RAX2: variants seen among roughly 807,000 people sequenced by gnomAD.
RAX2 encodes retina and anterior neural fold homeobox protein 2.
In RAX2, 4 loss-of-function variants were observed where a neutral mutation model predicts 5.8. That is an observed-to-expected ratio of 0.69 (90% CI 0.34 to 1.58). The LOEUF is 1.58. Ranked by LOEUF, RAX2 falls within the 40% of genes most tolerant of loss-of-function variation. RAX2 has a pLI of 0.05. For synonymous variants in RAX2, 133 were observed against 128.8 expected (o/e 1.03, Z -0.22); for missense variants, 275 against 271.4 (o/e 1.01, Z -0.09).
Position 3,771,584 on chromosome 19 carries a change from A to G in RAX2, c.159T>C (p.Asp53=). The G allele has an allele frequency of 6.2e-7, 1 of 1,611,574 alleles. No individual in the cohort carries two copies. Among genetic ancestry groups the G allele is most frequent in the Non-Finnish European group, 8.5e-7 (1 of 1,179,338 alleles). Residue 53 remains aspartate, a synonymous_variant, in exon 2 of 3, where the codon GAT becomes GAC. Transcript: ENST00000555633. This position sits in a 1 kb window ranked among gnomAD's most constrained non-coding sequence, Gnocchi z 4.2. ...ERAFEASHYP[D]VYSREELAAK... Reference sequence around the variant, plus strand: ...CTGCCAGCTCCTCACGGCTGTACACATCCGGGTAGTGAGAGGCCTCGAACG... The same window carrying G: ...CTGCCAGCTCCTCACGGCTGTACACGTCCGGGTAGTGAGAGGCCTCGAACG...
chr19:3,770,124 G>A lies in RAX2; in HGVS notation c.*497C>T, dbSNP rs2037236443. The A allele has an allele frequency of 1.9e-5, 3 of 160,674 alleles. No individual in the cohort carries two copies. Among genetic ancestry groups the A allele is most frequent in the Admixed American group, 1.9e-4 (3 of 16,204 alleles). 10.0% of individuals were successfully genotyped at this position (160,674 alleles called of 1,614,324 possible). On this transcript the variant is annotated 3_prime_UTR_variant, in exon 3 of 3. Transcript: ENST00000555633. ...CTCACATGGCGAGCACACGGTGAGA[G>A]GAGACCAGGCTCGCGGGAGCTGCTG...
chr19:3,771,464 A>G lies in RAX2; in HGVS notation c.216+63T>C. On this transcript the variant is annotated intron_variant, in intron 2 of 2. Transcript: ENST00000555633. The surrounding 1 kb of genome is among the most constrained non-coding windows in gnomAD (Gnocchi z 4.2). ...CTTCTGCTGTTGCTCCGGGAGGGTC[A>G]GGATCTTGCTTTGCCTCCCTCCCCA... 3 of 1,338,530 alleles carry G rather than the reference A, an allele frequency of 2.2e-6. No individual in the cohort carries two copies. The highest frequency in any genetic ancestry group is 3.1e-6 in the Non-Finnish European group (3 of 956,038). The allele number at this position is 1,338,530 out of a possible 1,614,324, so 82.9% of individuals were successfully genotyped here.
At position 3,772,011 on chromosome 19, in the gene RAX2, CT is replaced by C; in HGVS notation, c.-268-2del. Reference sequence around the variant, plus strand: ...TTCCCCTCTCTGTGACTGTCACGGCCTGTGTGTGTGTGTGTCGGCGGGGGGG... The same window carrying C: ...TTCCCCTCTCTGTGACTGTCACGGCCGTGTGTGTGTGTGTCGGCGGGGGGG... On this transcript the variant is annotated splice_acceptor_variant, in intron 1 of 2. Coordinates refer to ENST00000555633, the MANE Select transcript of RAX2 (RefSeq NM_001319074.4). LOFTEE classifies it low-confidence loss of function (5UTR_SPLICE). The C allele has an allele frequency of 3.8e-6, 2 of 524,236 alleles. No individual in the cohort carries two copies. Among genetic ancestry groups the C allele is most frequent in the Non-Finnish European group, 6.8e-6 (2 of 293,688 alleles). The allele number at this position is 524,236 out of a possible 1,614,324, so 32.5% of individuals were successfully genotyped here.
rs1034522582 is a variant in RAX2, at chr19:3,771,511, TG to T, written c.216+15del. 9.6e-6 allele frequency: 15 copies of T among 1,570,634 alleles called. No homozygotes were observed. The highest frequency in any genetic ancestry group is 2.7e-5 in the African/African-American group (2 of 74,276). ...CCCAGGTTGCAAAAGATGTGTGTGT[TG>T]GGGGGTGCCCTCACCTGCACGCGCA... On this transcript the variant is annotated intron_variant, in intron 2 of 2. Coordinates refer to ENST00000555633, the MANE Select transcript of RAX2 (RefSeq NM_001319074.4). This position sits in a 1 kb window ranked among gnomAD's most constrained non-coding sequence, Gnocchi z 4.2.
chr19:3,770,657 A>G lies in RAX2; in HGVS notation c.519T>C (p.His173=), dbSNP rs2145735870. 2.0e-6 allele frequency: 3 copies of G among 1,535,172 alleles called. No individual in the cohort carries two copies. The highest frequency in any genetic ancestry group is 2.6e-6 in the Non-Finnish European group (3 of 1,146,448). The change falls in exon 3 of 3, where the codon CAT becomes CAC. Residue 173 remains histidine, a synonymous_variant. Transcript: ENST00000555633. The stretch of plus-strand genomic sequence containing the variant: ...GCCAGGCCCTGTCCAGAGCCTGTGC[A>G]TGTTCCTTGGCCAGCAGCCGCAGGG... ...EASLRLLAKE[H]AQALDRAWPP... is the part of the protein sequence containing the mutation.
rs2037265665 is a variant in RAX2, at chr19:3,771,737, G to A, written c.6C>T (p.Phe2=). ...TTGCCGGCCCCTCGCCCGGGCTCAG[G>A]AACATGGCTCCCACCTGGTGGGACG... The part of the protein sequence containing the change: M[F]LSPGEGPATE... Residue 2 remains phenylalanine (F), a synonymous_variant, in exon 2 of 3, where the codon TTC becomes TTT. Coordinates refer to ENST00000555633, the MANE Select transcript of RAX2 (RefSeq NM_001319074.4). The surrounding 1 kb of genome is among the most constrained non-coding windows in gnomAD (Gnocchi z 4.2). The A allele has an allele frequency of 1.3e-6, 2 of 1,599,724 alleles. No individual in the cohort carries two copies. Among genetic ancestry groups the A allele is most frequent in the African/African-American group, 1.3e-5 (1 of 74,808 alleles).
rs1234677376 is a variant in RAX2, at chr19:3,772,194, G to A, written c.-300C>T. On this transcript the variant is annotated 5_prime_UTR_variant, in exon 1 of 3. Transcript: ENST00000555633. ...CGGCAGCCCCTCCGTCGATTTCCAC[G>A]GGACACCTGCCCCAGCGGGCCTGGC... 4 of 455,370 alleles carry A rather than the reference G, an allele frequency of 8.8e-6. No individual in the cohort carries two copies. Among genetic ancestry groups the A allele is most frequent in the East Asian group, 6.9e-5 (1 of 14,486 alleles). 28.2% of individuals were successfully genotyped at this position (455,370 alleles called of 1,614,324 possible).
In RAX2 at chr19:3,770,304, C is replaced by A. The variant is rs1042733352; in HGVS notation, c.*317G>T. ...CTCGAACCTCGGAGGCCCCCACGCC[C>A]AATTAACAGACAGGAGACTGAGGCC... On this transcript the variant is annotated 3_prime_UTR_variant, in exon 3 of 3. Coordinates refer to ENST00000555633, the MANE Select transcript of RAX2 (RefSeq NM_001319074.4). 3.9e-5 allele frequency: 17 copies of A among 432,264 alleles called. No individual in the cohort carries two copies. Among genetic ancestry groups the A allele is most frequent in the Non-Finnish European group, 6.6e-5 (16 of 243,086 alleles). The allele number at this position is 432,264 out of a possible 1,614,324, so 26.8% of individuals were successfully genotyped here.
chr19:3,770,737 C>G lies in RAX2; in HGVS notation c.439G>C (p.Gly147Arg), dbSNP rs957818577. The G allele has an allele frequency of 1.3e-6, 2 of 1,533,938 alleles. No homozygotes were observed. The highest frequency in any genetic ancestry group is 1.8e-4 in the Middle Eastern group (1 of 5,546). Residue 147 changes from glycine (G) to arginine (R), a missense_variant, in exon 3 of 3, where the codon GGG becomes CGG. Physicochemically the swap from Gly to Arg is moderately radical, Grantham distance 125 (BLOSUM62 -2). Coordinates refer to ENST00000555633, the MANE Select transcript of RAX2 (RefSeq NM_001319074.4). Reference sequence around the variant, plus strand: ...AAGGTGGGAGCAAAGGCATGAGGCCCGAAGGACGCTTGCAGCCCCGGGCCC... The same window carrying G: ...AAGGTGGGAGCAAAGGCATGAGGCCGGAAGGACGCTTGCAGCCCCGGGCCC... The part of the protein sequence containing the change: ...GPGPGLQASF[G>R]PHAFAPTFAD...
chr19:3,770,779 G>A lies in RAX2; in HGVS notation c.397C>T (p.Pro133Ser), dbSNP rs1481836442. 1 of 1,526,392 alleles carries A rather than the reference G, an allele frequency of 6.6e-7. No homozygotes were observed. Among genetic ancestry groups the A allele is most frequent in the Non-Finnish European group, 8.8e-7 (1 of 1,142,666 alleles). 94.6% of individuals were successfully genotyped at this position (1,526,392 alleles called of 1,614,324 possible). Residue 133 changes from proline (P) to serine (S), a missense_variant, in exon 3 of 3, where the codon CCC (proline) becomes TCC (serine). Pro to Ser is a moderately conservative substitution (Grantham distance 74). Coordinates refer to ENST00000555633, the MANE Select transcript of RAX2 (RefSeq NM_001319074.4). ...CCCGGGCCCGGGCCCAGGAGGCGGG[G>A]GAGGCCTGGCACGGCCGGCGGTCCG... Reference protein sequence around the residue: ...GPGPPAVPGLPRLLGPGPGLQ... With the variant: ...GPGPPAVPGLSRLLGPGPGLQ...
chr19:3,770,644 C>T lies in RAX2; in HGVS notation c.532G>A (p.Asp178Asn). ...LLAKEHAQAL[D>N]RAWPPA ...GCTCAGGCTGGCGGCCAGGCCCTGT[C>T]CAGAGCCTGTGCATGTTCCTTGGCC... The change falls in exon 3 of 3, where the codon GAC becomes AAC. Residue 178 changes from aspartate to asparagine, a missense_variant. Physicochemically the swap from Asp to Asn is conservative, Grantham distance 23. Transcript: ENST00000555633. The T allele has an allele frequency of 6.5e-7, 1 of 1,534,530 alleles. No individual in the cohort carries two copies. Among genetic ancestry groups the T allele is most frequent in the East Asian group, 2.4e-5 (1 of 40,854 alleles).
At chr19:3,772,034 G>GGC (rs1171918647) in intron 1 of RAX2, 24 bp from the exon 2 acceptor site, 1 of 513,266 alleles carries the variant, frequency 1.9e-6, no homozygotes, top group Non-Finnish European at 3.6e-6. Flanking sequence ...TGTCGGCGGG[G>GGC]GGGGGTCAAG....
intron 1 of RAX2, 48 bp downstream of exon 1, chr19:3,772,115 C>T (rs746128517): frequency 2.2e-6 from 1 of 458,814 alleles, no homozygotes; most frequent in South Asian, 1.6e-5. Context: ...GGGATCTCTG[C>T]CCCCACCACC....
rs774569774 is a variant in RAX2 at position 3,771,803 on chromosome 19, C to G, written c.-61G>C. ...GTGGGGAGACGGCTGGGGGGGCTAC[C>G]GGCAGGGACAGGGCAGGGGAGCCCC... On this transcript the variant is annotated 5_prime_UTR_variant, in exon 2 of 3. Coordinates refer to ENST00000555633, the MANE Select transcript of RAX2 (RefSeq NM_001319074.4). This position sits in a 1 kb window ranked among gnomAD's most constrained non-coding sequence, Gnocchi z 4.2. 3.3e-6 allele frequency: 5 copies of G among 1,518,290 alleles called. No homozygotes were observed. The highest frequency in any genetic ancestry group is 4.4e-6 in the Non-Finnish European group (5 of 1,134,254). The allele number at this position is 1,518,290 out of a possible 1,614,324, so 94.1% of individuals were successfully genotyped here. A position where few individuals can be genotyped will look rare whatever the true frequency, so the allele number is the denominator to read the frequency against.
In RAX2 at chr19:3,770,730, T is replaced by G; in HGVS notation, c.446A>C (p.His149Pro). 3 of 1,534,940 alleles carry G rather than the reference T, an allele frequency of 2.0e-6. No homozygotes were observed. The highest frequency in any genetic ancestry group is 2.6e-6 in the Non-Finnish European group (3 of 1,146,102). ...ATCTGCGAAGGTGGGAGCAAAGGCA[T>G]GAGGCCCGAAGGACGCTTGCAGCCC... ...GPGLQASFGPHAFAPTFADGF... is the reference protein window; with the variant it reads ...GPGLQASFGPPAFAPTFADGF... Residue 149 changes from histidine (H) to proline (P), a missense_variant, in exon 3 of 3, where the codon CAT becomes CCT. Transcript: ENST00000555633.
intron 1 of RAX2, 28 bp from the exon 2 acceptor site, chr19:3,772,038 G>GGA: frequency 2.0e-6 from 1 of 508,950 alleles, no homozygotes; most frequent in Non-Finnish European, 3.6e-6. Context: ...GGCGGGGGGG[G>GGA]GTCAAGGATG....
In RAX2 at chr19:3,771,551, C is replaced by A. The variant is rs1188584260; in HGVS notation, c.192G>T (p.Val64=). 3 of 1,606,874 alleles carry A rather than the reference C, an allele frequency of 1.9e-6. No individual in the cohort carries two copies. The Admixed American group carries it at 5.1e-5, about 27-fold the overall frequency. Residue 64 remains valine, a synonymous_variant, in exon 2 of 3, where the codon GTG becomes GTT. Transcript: ENST00000555633. The surrounding 1 kb of genome is among the most constrained non-coding windows in gnomAD (Gnocchi z 4.2). ...CCTGCACGCGCACCTCAGGTAGGTG[C>A]ACCTTGGCTGCCAGCTCCTCACGGC... is the stretch of plus-strand genomic sequence containing the variant. ...VYSREELAAK[V]HLPEVRVQVW... is the part of the protein sequence containing the mutation.
At position 3,770,874 on chromosome 19, in the gene RAX2, G is replaced by A; in HGVS notation, c.302C>T (p.Pro101Leu). ...GGCGAACGGCAGCGCTGGGGCCTCG[G>A]GGAGTCTCGGAGCTGCCACGGCACC... Reference protein sequence around the residue: ...GSGAVAAPRLPEAPALPFARP... With the variant: ...GSGAVAAPRLLEAPALPFARP... Residue 101 changes from proline (P) to leucine (L), a missense_variant, in exon 3 of 3, where the codon CCC (proline) becomes CTC (leucine). Transcript: ENST00000555633. 6.5e-7 allele frequency: 1 copy of A among 1,536,900 alleles called. No homozygotes were observed. Among genetic ancestry groups the A allele is most frequent in the South Asian group, 1.2e-5 (1 of 84,310 alleles).
Position 3,770,609 on chromosome 19 carries a change from A to G in RAX2, c.*12T>C. ...GGTTGGGCCGAGGAGGGGGCCCGGGAGGGCGGCAGGCTCAGGCTGGCGGCC... is the reference window on the plus strand; with the variant it reads ...GGTTGGGCCGAGGAGGGGGCCCGGGGGGGCGGCAGGCTCAGGCTGGCGGCC... On this transcript the variant is annotated 3_prime_UTR_variant, in exon 3 of 3. Transcript: ENST00000555633. 1.3e-6 allele frequency: 2 copies of G among 1,530,628 alleles called. No homozygotes were observed. The highest frequency in any genetic ancestry group is 1.7e-6 in the Non-Finnish European group (2 of 1,144,562). 94.8% of individuals were successfully genotyped at this position (1,530,628 alleles called of 1,614,324 possible). A position where few individuals can be genotyped will look rare whatever the true frequency, so the allele number is the denominator to read the frequency against.
Sources: gnomAD v4.1 joint callset for allele counts on GRCh38, gnomAD v4.1.1 for gene constraint, Gnocchi (gnomAD v3.1) non-coding constraint, MANE v1.5 for transcripts, NCBI Gene and HGNC (gene_info 2026-07-23, HGNC 2026-07-21) for gene names.